Variants in DIAPH2 observed in about 807,000 individuals in gnomAD.
DIAPH2 encodes protein diaphanous homolog 2.
Under a neutral mutation model 92.7 loss-of-function variants are expected in DIAPH2, and 35 were observed. The ratio of observed to expected loss-of-function variants is 0.38; its 90% CI spans 0.29 to 0.50. DIAPH2 has a LOEUF of 0.50. DIAPH2 is among the 20% of genes least tolerant of loss of function. The pLI is 0.94. For missense variants in DIAPH2, 701 were observed against 819.5 expected (o/e 0.86, Z 1.77); for synonymous variants, 301 against 280.4 (o/e 1.07, Z -0.73).
intron 26 of DIAPH2, among the ~76,000 whole-genome samples, chrX:97,507,141 CAAAAAAAAAAA>C (rs397896097): frequency 6.4e-5 from 2 of 31,131 alleles, no homozygotes; most frequent in African/African-American, 2.7e-4. Flanking sequence ...ACAAAACCGA[CAAAAAAAAAAA>C]AAAAAAAAAA....
At chrX:97,268,237 T>G (rs1357339998) in intron 23 of DIAPH2, among the ~76,000 whole-genome samples, 1 of 112,862 alleles carries the variant, frequency 8.9e-6, no homozygotes, top group African/African-American at 3.2e-5. Flanking sequence ...AACAAATTAC[T>G]GACCCTTGAA....
chrX:97,495,443 A>G (rs779302083), intron 26 of DIAPH2, among the ~76,000 whole-genome samples: 1 of 112,116 alleles, frequency 8.9e-6, no homozygotes, highest in Non-Finnish European at 1.9e-5. Context: ...GAGTGACTAC[A>G]TTACAAAAGG....
chrX:97,385,092 A>C (rs1193090623), intron 25 of DIAPH2, among the ~76,000 whole-genome samples: 1 of 111,135 alleles, frequency 9.0e-6, no homozygotes, highest in Admixed American at 9.6e-5. Flanking sequence ...ATTTAGGAAC[A>C]AAACAAAACA....
chrX:97,408,047 G>A (rs1336034219), intron 25 of DIAPH2, among the ~76,000 whole-genome samples: 1 of 111,625 alleles, frequency 9.0e-6, no homozygotes, highest in African/African-American at 3.3e-5. Context: ...TTATATCTCT[G>A]AGGTATTGGT....
rs1478107836 is a variant in DIAPH2 at position 97,599,345 on chromosome X, T to C, written c.*28T>C. On this transcript the variant is annotated 3_prime_UTR_variant, in exon 27 of 27. Transcript: ENST00000324765. ...CCTGATGCCAAAGAATATGAAAATA[T>C]TTAAGTAAAAACAAAATGATGCATT... 10 of 1,082,722 alleles carry C rather than the reference T, an allele frequency of 9.2e-6. No individual in the cohort carries two copies. Among genetic ancestry groups the C allele is most frequent in the African/African-American group, 1.8e-5 (1 of 54,330 alleles). The allele number at this position is 1,082,722 out of a possible 1,213,427, so 89.2% of individuals were successfully genotyped here.
intron 10 of DIAPH2, among the ~76,000 whole-genome samples, chrX:96,932,178 C>A (rs754428464): frequency 2.7e-5 from 3 of 110,300 alleles, no homozygotes; most frequent in Non-Finnish European, 5.7e-5. Flanking sequence ...TGGGCTGGTT[C>A]TCTGTTTATA....
At chrX:97,041,500 C>T (rs2066448189) in intron 17 of DIAPH2, among the ~76,000 whole-genome samples, 1 of 110,959 alleles carries the variant, frequency 9.0e-6, no homozygotes, top group African/African-American at 3.3e-5. Flanking sequence ...TATATCTTCC[C>T]TGTTAGAAGC....
At chrX:96,927,027 C>T (rs2065586633) in intron 9 of DIAPH2, among the ~76,000 whole-genome samples, 1 of 111,133 alleles carries the variant, frequency 9.0e-6, no homozygotes, top group South Asian at 3.7e-4. Context: ...CATTTGTTTT[C>T]TTTCTAAGAT....
Position 96,965,137 on chromosome X carries a change from C to A in DIAPH2, c.1980C>A (p.Val660=). 4 of 1,194,839 alleles carry A rather than the reference C, an allele frequency of 3.3e-6. No individual in the cohort carries two copies. The South Asian group carries it at 7.4e-5, about 22-fold the overall frequency. Residue 660 remains valine (V), a synonymous_variant, in exon 17 of 27, where the codon GTC becomes GTA. Transcript: ENST00000324765. ...ELSENCFWLR[V]KEDKFENPDL... The stretch of plus-strand genomic sequence containing the variant: ...CTGAGAACTGTTTCTGGTTAAGAGT[C>A]AAAGAAGACAAGTTTGAGAATCCAG...
chrX:97,314,993 G>A (rs2068828815), intron 23 of DIAPH2, among the ~76,000 whole-genome samples: 1 of 111,800 alleles, frequency 8.9e-6, no homozygotes, highest in Non-Finnish European at 1.9e-5. Flanking sequence ...AAACAGGAAA[G>A]GAAGATGAGA....
chrX:97,266,982 C>T (rs1345240900), intron 23 of DIAPH2, among the ~76,000 whole-genome samples: 3 of 111,693 alleles, frequency 2.7e-5, no homozygotes, highest in Non-Finnish European at 5.6e-5. Context: ...GTTAAGACTC[C>T]ATGGCATAGA....
At chrX:97,578,386 G>T (rs2071413386) in intron 26 of DIAPH2, among the ~76,000 whole-genome samples, 1 of 103,997 alleles carries the variant, frequency 9.6e-6, no homozygotes, top group African/African-American at 3.5e-5. Flanking sequence ...TCATCTCATT[G>T]TTCAATTCCC....
At chrX:96,962,418 C>CATATAT in intron 16 of DIAPH2, among the ~76,000 whole-genome samples, 1 of 50,858 alleles carries the variant, frequency 2.0e-5, no homozygotes, top group Middle Eastern at 9.2e-3. Flanking sequence ...TATATATATA[C>CATATAT]ACATATATAT....
At chrX:96,693,466 A>G (rs1378867645) in intron 1 of DIAPH2, among the ~76,000 whole-genome samples, 1 of 112,362 alleles carries the variant, frequency 8.9e-6, no homozygotes, top group African/African-American at 3.2e-5. Context: ...CTGTTTACAA[A>G]GATTCTATAT....
At chrX:97,223,674 T>A (rs1465957450) in intron 22 of DIAPH2, among the ~76,000 whole-genome samples, 1 of 111,649 alleles carries the variant, frequency 9.0e-6, no homozygotes, top group Non-Finnish European at 1.9e-5. Flanking sequence ...TTAATAAACA[T>A]TCTCTATTGT....
intron 26 of DIAPH2, among the ~76,000 whole-genome samples, chrX:97,534,498 A>G (rs2071082308): frequency 9.0e-6 from 1 of 111,005 alleles, no homozygotes; most frequent in African/African-American, 3.3e-5. Flanking sequence ...ATCCTTATGT[A>G]AGTTCTGCAA....
At chrX:97,114,578 G>A (rs1233924401) in intron 20 of DIAPH2, 148 bp from the exon 21 acceptor site, 4 of 529,355 alleles carry the variant, frequency 7.6e-6, no homozygotes, top group Admixed American at 1.0e-4. Flanking sequence ...TCTTTGGAAT[G>A]TTTAAAACAA....
intron 4 of DIAPH2, among the ~76,000 whole-genome samples, chrX:96,864,803 T>G (rs1184772909): frequency 8.9e-6 from 1 of 112,099 alleles, no homozygotes; most frequent in African/African-American, 3.2e-5. Flanking sequence ...GATAGGACAC[T>G]GAAGTAGAAA....
In DIAPH2 at chrX:96,943,868, G is replaced by T. The variant is rs140154011; in HGVS notation, c.1445-1659G>T. Among the ~76,000 whole-genome samples, 71 of 111,193 alleles carry T rather than the reference G, an allele frequency of 6.4e-4. No homozygotes were observed. The East Asian group carries it at 0.018, about 28-fold the overall frequency. ...ATAGTCAGCATCATAAACCCATTGT[G>T]ATGTTATCCACATGTCATCTCTGCG... On this transcript the variant is annotated intron_variant, in intron 13 of 26. Transcript: ENST00000324765.
Sources: allele counts gnomAD v4.1 joint callset (sites outside exome capture counted in the v4.1 genomes callset), GRCh38; gene constraint gnomAD v4.1.1; transcripts MANE v1.5; gene names NCBI Gene and HGNC (gene_info 2026-07-23, HGNC 2026-07-21).